Variants in NUP210L observed in about 807,000 individuals in gnomAD.
NUP210L encodes the protein nuclear pore membrane glycoprotein 210-like.
A neutral mutation model predicts 208.5 loss-of-function variants in NUP210L; 74 were observed. The ratio of observed to expected loss-of-function variants is 0.35; its 90% CI spans 0.29 to 0.43. NUP210L has a LOEUF of 0.43. NUP210L is among the 20% of genes least tolerant of loss of function. NUP210L has a pLI of 1.00. For synonymous variants in NUP210L, 780 were observed against 816.9 expected (o/e 0.95, Z 0.77); for missense variants, 1,843 against 2,289.4 (o/e 0.81, Z 3.98).
rs1302898339 is a variant in NUP210L, at chr1:154,125,735, AAGGG to A, written c.1326+584_1326+587del. On this transcript the variant is annotated intron_variant, in intron 10 of 39. Coordinates refer to ENST00000368559, the Ensembl canonical transcript of NUP210L. Reference sequence around the variant, plus strand: ...GAAGGAAGGAAGGAAGGAAGGAAGGAAGGGAGGGAGGGAAATGTTTTTTTTTTTT... The same window carrying A: ...GAAGGAAGGAAGGAAGGAAGGAAGGAAGGGAGGGAAATGTTTTTTTTTTTT... Among the ~76,000 whole-genome samples, 98 of 11,754 alleles carry A rather than the reference AAGGG, an allele frequency of 8.3e-3. 32 individuals are homozygous for A. Among genetic ancestry groups the A allele is most frequent in the Non-Finnish European group, 0.014 (55 of 4,044 alleles). The allele number at this position is 11,754 out of a possible 152,430, so 7.7% of individuals were successfully genotyped here.
At chr1:154,090,403 C>A (rs1425653011) in intron 15 of NUP210L, among the ~76,000 whole-genome samples, 1 of 152,070 alleles carries the variant, frequency 6.6e-6, no homozygotes, top group Admixed American at 6.6e-5. Context: ...GTTAATCAGA[C>A]CTGAAATTAC....
chr1:154,082,882 G>A (rs1004053965), intron 16 of NUP210L, among the ~76,000 whole-genome samples: 1 of 151,910 alleles, frequency 6.6e-6, no homozygotes, highest in Non-Finnish European at 1.5e-5. Flanking sequence ...CATCTCGCTG[G>A]CTTCAGGAGT....
chr1:154,151,082 T>C (rs1659357391), intron 2 of NUP210L, among the ~76,000 whole-genome samples: 1 of 152,084 alleles, frequency 6.6e-6, no homozygotes, highest in African/African-American at 2.4e-5. Context: ...AGATTTGACA[T>C]TTTTCCTAGT....
Position 154,029,051 on chromosome 1 carries a change from C to G in NUP210L, c.3855+845G>C, listed in dbSNP as rs1298932189. Among the ~76,000 whole-genome samples, 3 of 151,278 alleles carry G rather than the reference C, an allele frequency of 2.0e-5. No homozygotes were observed. The East Asian group carries it at 5.8e-4, about 29-fold the overall frequency. On this transcript the variant is annotated intron_variant, in intron 28 of 39. Transcript: ENST00000368559. ...TGAGTGGAGATTGTGCCACTGCACT[C>G]CAGCCTGGGTGACAGAGTGAGACTC... is the stretch of plus-strand genomic sequence containing the variant.
At chr1:154,050,971 G>A (rs2147979103) in intron 25 of NUP210L, among the ~76,000 whole-genome samples, 1 of 152,284 alleles carries the variant, frequency 6.6e-6, no homozygotes, top group Admixed American at 6.5e-5. Flanking sequence ...ATTAATGTGA[G>A]TTCCAATTCT....
At chr1:154,099,113 G>A (rs184133175) in intron 14 of NUP210L, among the ~76,000 whole-genome samples, 117 of 152,298 alleles carry the variant, frequency 7.7e-4, no homozygotes, top group African/African-American at 2.7e-3. Flanking sequence ...GCCAGGCAGC[G>A]GGAGTGTGCA....
At chr1:154,028,582 G>T (rs191873769) in intron 28 of NUP210L, among the ~76,000 whole-genome samples, 6 of 152,040 alleles carry the variant, frequency 3.9e-5, no homozygotes, top group African/African-American at 1.4e-4. Flanking sequence ...GTGAAACTCT[G>T]TCTCAAAATA....
chr1:154,103,164 C>T (rs1169666598), intron 13 of NUP210L, among the ~76,000 whole-genome samples: 3 of 151,732 alleles, frequency 2.0e-5, no homozygotes, highest in Non-Finnish European at 2.9e-5. Flanking sequence ...GAGGCTGAGG[C>T]GGGCAGATCA....
intron 12 of NUP210L, among the ~76,000 whole-genome samples, chr1:154,117,510 G>A (rs562152543): frequency 1.3e-4 from 20 of 152,142 alleles, no homozygotes; most frequent in Non-Finnish European, 2.8e-4. Flanking sequence ...GAACCGGGGA[G>A]GCAGAGGTTG....
At chr1:154,007,262 T>G (rs1224284946) in intron 35 of NUP210L, among the ~76,000 whole-genome samples, 1 of 111,216 alleles carries the variant, frequency 9.0e-6, no homozygotes, top group African/African-American at 3.6e-5. Flanking sequence ...GCGCCGGGCT[T>G]ATATATATAT....
intron 7 of NUP210L, among the ~76,000 whole-genome samples, chr1:154,135,420 A>G (rs1235251330): frequency 6.6e-6 from 1 of 151,748 alleles, no homozygotes; most frequent in Non-Finnish European, 1.5e-5. Context: ...TAGTAGTATT[A>G]TAATCTTTTT....
At chr1:154,057,003 G>GA in intron 22 of NUP210L, 56 bp from the exon 23 acceptor site, 1 of 1,580,384 alleles carries the variant, frequency 6.3e-7, no homozygotes, top group Non-Finnish European at 8.6e-7. Flanking sequence ...TTTCAAGACA[G>GA]GGTCTTACTC....
intron 12 of NUP210L, among the ~76,000 whole-genome samples, chr1:154,116,355 C>T (rs779523886): frequency 2.1e-4 from 31 of 149,908 alleles, no homozygotes; most frequent in Non-Finnish European, 3.5e-4. Flanking sequence ...ACCTGAAAGG[C>T]GGAGGTTGCA....
At chr1:154,032,762 A>G (rs928982616) in intron 27 of NUP210L, among the ~76,000 whole-genome samples, 1 of 152,032 alleles carries the variant, frequency 6.6e-6, no homozygotes, top group Admixed American at 6.6e-5. Context: ...TACAAAAAAT[A>G]CAAAAATTAG....
At position 154,058,118 on chromosome 1, in the gene NUP210L, C is replaced by A. The variant is rs1424716735; in HGVS notation, c.3078G>T (p.Leu1026=). 3.1e-6 allele frequency: 5 copies of A among 1,613,968 alleles called. No individual in the cohort carries two copies. The South Asian group carries it at 5.5e-5, about 18-fold the overall frequency. Residue 1026 remains leucine (L), a synonymous_variant, in exon 22 of 40, where the codon CTG becomes CTT. Transcript: ENST00000368559. ...GGGTGACAATGGCAGAAGCCAACTGCAGTTTGAGTTCCATGTTTCTGAAGT... is the reference window on the plus strand; with the variant it reads ...GGGTGACAATGGCAGAAGCCAACTGAAGTTTGAGTTCCATGTTTCTGAAGT...
chr1:154,149,285 C>T (rs1659270636), intron 2 of NUP210L, among the ~76,000 whole-genome samples: 1 of 152,058 alleles, frequency 6.6e-6, no homozygotes, highest in Admixed American at 6.6e-5. Flanking sequence ...GGGGTTTCAC[C>T]ATGTAGGCCA....
Position 154,149,230 on chromosome 1 carries a change from T to C in NUP210L, c.340+3506A>G, listed in dbSNP as rs369038877. On this transcript the variant is annotated intron_variant, in intron 2 of 39. Coordinates refer to ENST00000368559, the Ensembl canonical transcript of NUP210L. Reference sequence around the variant, plus strand: ...CCTCCCAAGTAGCTGGAATTACAGGTGCCCATCACCACGCCCAGCTAATTT... The same window carrying C: ...CCTCCCAAGTAGCTGGAATTACAGGCGCCCATCACCACGCCCAGCTAATTT... Among the ~76,000 whole-genome samples, 458 of 151,940 alleles carry C rather than the reference T, an allele frequency of 3.0e-3. 2 individuals are homozygous for C. Among genetic ancestry groups the C allele is most frequent in the African/African-American group, 0.01 (435 of 41,458 alleles).
intron 7 of NUP210L, among the ~76,000 whole-genome samples, chr1:154,130,735 C>T (rs1658206431): frequency 6.6e-6 from 1 of 151,812 alleles, no homozygotes; most frequent in Non-Finnish European, 1.5e-5. Context: ...TAGGCCTGCA[C>T]CACCACATCT....
intron 2 of NUP210L, among the ~76,000 whole-genome samples, chr1:154,150,508 A>T (rs1414214847): frequency 6.6e-6 from 1 of 152,100 alleles, no homozygotes; most frequent in Non-Finnish European, 1.5e-5. Context: ...CGGGTGGATC[A>T]CTTAAGGTCA....
Sources: gnomAD v4.1 joint callset for allele counts (sites outside exome capture counted in the v4.1 genomes callset) on GRCh38, gnomAD v4.1.1 for gene constraint, MANE v1.5 for transcripts, NCBI Gene and HGNC (gene_info 2026-07-23, HGNC 2026-07-21) for gene names.